TECPR1: variants seen among roughly 807,000 people sequenced by gnomAD.
TECPR1 encodes the protein tectonin beta-propeller repeat containing 1, also known as tectonin beta-propeller repeat-containing protein 1.
TECPR1 carries 122 observed loss-of-function variants against 162.4 expected under a neutral mutation model. The ratio of observed to expected loss-of-function variants is 0.75; its 90% CI spans 0.65 to 0.87. TECPR1 has a LOEUF of 0.87. Ranked by LOEUF, TECPR1 falls within the 40% of genes least tolerant of loss-of-function variation. The pLI is 0.00. For synonymous variants in TECPR1, 642 were observed against 670.6 expected, an observed-to-expected ratio of 0.96 and a Z score of 0.66; for missense variants, 1,432 against 1,618.2, an observed-to-expected ratio of 0.88 and a Z score of 1.97.
chr7:98,233,089 G>T, intron 11 of TECPR1, 117 bp from the exon 12 acceptor site: 3 of 1,255,430 alleles, frequency 2.4e-6, no homozygotes, highest in Non-Finnish European at 3.2e-6. Context: ...TACGCTCTCT[G>T]TTAAGCCTCC....
chr7:98,250,696 C>G (rs1799041646), intron 2 of TECPR1, among the ~76,000 whole-genome samples: 1 of 152,180 alleles, frequency 6.6e-6, no homozygotes, highest in African/African-American at 2.4e-5. Flanking sequence ...TCAGAATTCA[C>G]TGGATAAGCA....
Position 98,244,627 on chromosome 7 carries a change from G to T in TECPR1, c.475C>A (p.Arg159=), listed in dbSNP as rs751487874. Residue 159 remains arginine, a synonymous_variant, in exon 5 of 26, where the codon CGG becomes AGG. Transcript: ENST00000447648. ...TKDKKWNSCV[R]RRKWIRYRRY... Reference sequence around the variant, plus strand: ...CTGTACCGGATCCACTTCCGGCGCCGCACACAAGAATTCCACTTCTTGTCT... The same window carrying T: ...CTGTACCGGATCCACTTCCGGCGCCTCACACAAGAATTCCACTTCTTGTCT... 1.2e-6 allele frequency: 2 copies of T among 1,612,840 alleles called. No homozygotes were observed. Among genetic ancestry groups the T allele is most frequent in the Non-Finnish European group, 1.7e-6 (2 of 1,179,586 alleles).
chr7:98,233,307 T>C, intron 11 of TECPR1, 114 bp downstream of exon 11: 1 of 1,306,314 alleles, frequency 7.7e-7, no homozygotes, highest in Non-Finnish European at 1.0e-6. Flanking sequence ...CAGTGAGGCG[T>C]CCAGGGAGGA....
chr7:98,249,922 A>G (rs1357933518), intron 2 of TECPR1, among the ~76,000 whole-genome samples: 1 of 152,028 alleles, frequency 6.6e-6, no homozygotes. Flanking sequence ...CATCTCAAAA[A>G]AAAAAAAAGA....
intron 25 of TECPR1, 63 bp from the exon 26 acceptor site, chr7:98,217,566 C>T: frequency 1.9e-6 from 3 of 1,542,354 alleles, no homozygotes; most frequent in Non-Finnish European, 1.8e-6. Context: ...AGGGGATCTG[C>T]CTGGGGGCCT....
rs1226388855 is a variant in TECPR1, at chr7:98,225,027, G to C, written c.2589C>G (p.Pro863=). Residue 863 remains proline, a synonymous_variant, in exon 18 of 26, where the codon CCC becomes CCG. Transcript: ENST00000447648. ...TCACCCAGGCCCACTGCAGGGACGG[G>C]GGCTTCGTGCCAGCCTTCGTGCACT... ...LQECTKAGTK[P]PSLQWAWVSD... 6.4e-7 allele frequency: 1 copy of C among 1,554,448 alleles called. No individual in the cohort carries two copies.
intron 2 of TECPR1, among the ~76,000 whole-genome samples, chr7:98,246,452 A>G (rs1257444437): frequency 2.0e-5 from 3 of 151,736 alleles, no homozygotes; most frequent in Non-Finnish European, 4.4e-5. Flanking sequence ...TTTTTAGTAG[A>G]GACGGGGTTT....
chr7:98,238,435 A>G (rs1456262706), intron 9 of TECPR1, 74 bp downstream of exon 9: 2 of 1,232,850 alleles, frequency 1.6e-6, no homozygotes, highest in Non-Finnish European at 2.3e-6. Flanking sequence ...AGCGGCCACT[A>G]GGCTATTGGG....
At position 98,230,963 on chromosome 7, in the gene TECPR1, C is replaced by T. The variant is rs1255712773; in HGVS notation, c.2280G>A (p.Gln760=). The change falls in exon 15 of 26, where the codon CAG becomes CAA. Residue 760 remains glutamine (Q), a splice_region_variant and synonymous_variant. Coordinates refer to ENST00000447648, the MANE Select transcript of TECPR1 (RefSeq NM_015395.3). ...CACCCAGAGTGCGGCTCACTCACATCTGGTCGCAGGGCAGGGGGTGCTCGT... is the reference window on the plus strand; with the variant it reads ...CACCCAGAGTGCGGCTCACTCACATTTGGTCGCAGGGCAGGGGGTGCTCGT... ...EAHEHPLPCD[Q]MFWRQMGGHL... 3 of 1,611,054 alleles carry T rather than the reference C, an allele frequency of 1.9e-6. No individual in the cohort carries two copies. The highest frequency in any genetic ancestry group is 3.3e-5 in the Admixed American group (2 of 59,818).
chr7:98,226,215 A>G (rs1271015101), intron 17 of TECPR1, among the ~76,000 whole-genome samples: 1 of 152,208 alleles, frequency 6.6e-6, no homozygotes, highest in Non-Finnish European at 1.5e-5. Context: ...CTGTGTGGAC[A>G]CTGCCCACAG....
intron 6 of TECPR1, among the ~76,000 whole-genome samples, chr7:98,242,284 C>A (rs1798770623): frequency 6.6e-6 from 1 of 152,148 alleles, no homozygotes; most frequent in African/African-American, 2.4e-5. Context: ...ACTCGAGTGT[C>A]AGCGCCCTGA....
rs368859211 is a variant in TECPR1, at chr7:98,233,524, C to A, written c.1569G>T (p.Glu523Asp). Residue 523 changes from glutamate (E) to aspartate (D), a missense_variant, in exon 11 of 26, where the codon GAG (glutamate) becomes GAT (aspartate). Glu to Asp is a conservative substitution (Grantham distance 45, BLOSUM62 2). Transcript: ENST00000447648. ...SSLGLLPLGL[E>D]EPYGVDDHPL... ...GGTGGTCATCCACCCCATACGGCTCCTCCAAGCCCAGTGGGAGGAGCCCCA... is the reference window on the plus strand; with the variant it reads ...GGTGGTCATCCACCCCATACGGCTCATCCAAGCCCAGTGGGAGGAGCCCCA... The A allele has an allele frequency of 9.5e-6, 15 of 1,576,480 alleles. No homozygotes were observed. Among genetic ancestry groups the A allele is most frequent in the Non-Finnish European group, 1.2e-5 (14 of 1,164,748 alleles).
At chr7:98,228,375 A>ACCC (rs976021017) in intron 16 of TECPR1, 57 of 456,580 alleles carry the variant, frequency 1.2e-4, no homozygotes, top group Non-Finnish European at 1.6e-5. Flanking sequence ...TCCCATCCAC[A>ACCC]CCCCTCCAGC....
chr7:98,242,649 A>G (rs1798782240), intron 6 of TECPR1, among the ~76,000 whole-genome samples: 1 of 139,538 alleles, frequency 7.2e-6, no homozygotes, highest in Non-Finnish European at 1.5e-5. Flanking sequence ...CCATTCATCC[A>G]CACATATACC....
chr7:98,240,771 A>G, intron 8 of TECPR1, 80 bp downstream of exon 8: 1 of 1,191,514 alleles, frequency 8.4e-7, no homozygotes, highest in Non-Finnish European at 1.2e-6. Flanking sequence ...CCCAGGCTGG[A>G]GTCCAGTGGT....
At position 98,232,844 on chromosome 7, in the gene TECPR1, C is replaced by T. The variant is rs750099231; in HGVS notation, c.1801G>A (p.Glu601Lys). ...KRELENFRHYEQAVEQSVWVK... is the reference protein window; with the variant it reads ...KRELENFRHYKQAVEQSVWVK... The stretch of plus-strand genomic sequence containing the variant: ...GCACCCACCTGCTCCACGGCCTGCT[C>T]GTAGTGTCTGAAGTTCTCCAGCTCC... The change falls in exon 12 of 26, where the codon GAG (glutamate) becomes AAG (lysine). Residue 601 changes from glutamate (E) to lysine (K), a missense_variant. Glu to Lys is a moderately conservative substitution (Grantham distance 56). Transcript: ENST00000447648. This position sits in a 1 kb window ranked among gnomAD's most constrained non-coding sequence, Gnocchi z 4.6. 63 of 1,607,188 alleles carry T rather than the reference C, an allele frequency of 3.9e-5. No homozygotes were observed. Among genetic ancestry groups the T allele is most frequent in the Admixed American group, 1.7e-4 (10 of 59,038 alleles).
chr7:98,234,949 A>G (rs778673961), intron 10 of TECPR1, among the ~76,000 whole-genome samples: 1 of 152,034 alleles, frequency 6.6e-6, no homozygotes, highest in Admixed American at 6.6e-5. Context: ...CCTGGGCTTA[A>G]GCGATCCACC....
intron 17 of TECPR1, among the ~76,000 whole-genome samples, chr7:98,225,490 G>A (rs541061068): frequency 5.3e-5 from 8 of 151,482 alleles, no homozygotes; most frequent in Admixed American, 3.3e-4. Flanking sequence ...AGCGGAGATC[G>A]TGCCACTACG....
intron 25 of TECPR1, 24 bp downstream of exon 25, chr7:98,217,668 C>A (rs1309276214): frequency 1.3e-6 from 2 of 1,527,370 alleles, no homozygotes; most frequent in Middle Eastern, 2.1e-4. Context: ...GATAACACAG[C>A]CCAAGGCCGC....
Sources: gnomAD v4.1 joint callset for allele counts (sites outside exome capture counted in the v4.1 genomes callset) on GRCh38, gnomAD v4.1.1 for gene constraint, Gnocchi (gnomAD v3.1) non-coding constraint, MANE v1.5 for transcripts, NCBI Gene and HGNC (gene_info 2026-07-23, HGNC 2026-07-21) for gene names.